Variants in CNBD1 observed in about 807,000 individuals in gnomAD.
CNBD1 encodes cyclic nucleotide binding domain containing 1.
A neutral mutation model predicts 54.4 loss-of-function variants in CNBD1; 71 were observed. The ratio of observed to expected loss-of-function variants is 1.30; its 90% CI spans 1.08 to 1.59. CNBD1 has a LOEUF of 1.59. Ranked by LOEUF, CNBD1 falls within the 40% of genes most tolerant of loss-of-function variation. The probability of loss-of-function intolerance (pLI) is 0.00; values close to 1 mark genes in which losing one functional copy is unlikely to be tolerated. For synonymous variants in CNBD1, 182 were observed against 170.7 expected (o/e 1.07, Z -0.51); for missense variants, 659 against 518.0 (o/e 1.27, Z -2.64).
chr8:86,894,216 C>T (rs981474714), intron 2 of CNBD1, among the ~76,000 whole-genome samples: 7 of 148,980 alleles, frequency 4.7e-5, no homozygotes, highest in East Asian at 2.0e-4. Context: ...CGCCCGCCAC[C>T]GCGCCCGGCT....
chr8:87,248,469 C>T (rs180866257), intron 6 of CNBD1, among the ~76,000 whole-genome samples: 1 of 152,240 alleles, frequency 6.6e-6, no homozygotes, highest in African/African-American at 2.4e-5. Flanking sequence ...TGGTGGCCTT[C>T]AATAATTGCT....
intron 2 of CNBD1, among the ~76,000 whole-genome samples, chr8:87,391,067 A>G (rs1811298892): frequency 6.6e-6 from 1 of 151,808 alleles, no homozygotes; most frequent in African/African-American, 2.4e-5. Flanking sequence ...CAGGAAGGGG[A>G]ACATCACACA....
At chr8:87,347,845 T>G (rs891699293) in intron 8 of CNBD1, among the ~76,000 whole-genome samples, 2 of 152,184 alleles carry the variant, frequency 1.3e-5, no homozygotes, top group Non-Finnish European at 2.9e-5. Flanking sequence ...TACCAAATAT[T>G]GCCCTTCTTC....
At chr8:87,313,631 A>C (rs1324895733) in intron 8 of CNBD1, among the ~76,000 whole-genome samples, 4 of 151,898 alleles carry the variant, frequency 2.6e-5, no homozygotes, top group African/African-American at 9.7e-5. Flanking sequence ...TTTGAGAAGA[A>C]AGTGATGTTT....
chr8:86,920,313 G>A (rs1323329791), intron 3 of CNBD1, among the ~76,000 whole-genome samples: 1 of 152,120 alleles, frequency 6.6e-6, no homozygotes, highest in East Asian at 1.9e-4. Context: ...TTTTAATTAG[G>A]TACTAAATCA....
chr8:87,401,669 C>T (rs1315699211), intron 2 of CNBD1, among the ~76,000 whole-genome samples: 3 of 151,992 alleles, frequency 2.0e-5, no homozygotes, highest in Admixed American at 1.3e-4. Flanking sequence ...ACAATATCTA[C>T]CTAACCTTTA....
intron 6 of CNBD1, among the ~76,000 whole-genome samples, chr8:87,263,953 T>C (rs535442558): frequency 6.6e-6 from 1 of 152,184 alleles, no homozygotes; most frequent in African/African-American, 2.4e-5. Context: ...ATATATTACA[T>C]AAAATATCAC....
In CNBD1 at chr8:87,422,367, G is replaced by A. The variant is rs1807955556; in HGVS notation, c.214-6179G>A. On this transcript the variant is annotated intron_variant, in intron 2 of 7. Coordinates refer to the CNBD1 transcript ENST00000521593. ...CCTTGCCCGTGCCTATGTCCTGAAT[G>A]GTAATGCCTAGGTTTTCTTCCAGGG... Among the ~76,000 whole-genome samples, 7 of 129,140 alleles carry A rather than the reference G, an allele frequency of 5.4e-5. No homozygotes were observed. The South Asian group carries it at 1.6e-3, about 29-fold the overall frequency. The allele number at this position is 129,140 out of a possible 152,430, so 84.7% of individuals were successfully genotyped here. A position where few individuals can be genotyped will look rare whatever the true frequency, so the allele number is the denominator to read the frequency against.
intron 4 of CNBD1, among the ~76,000 whole-genome samples, chr8:86,962,716 G>A (rs1807962312): frequency 6.6e-6 from 1 of 151,906 alleles, no homozygotes; most frequent in Admixed American, 6.6e-5. Flanking sequence ...AACCTGGGAG[G>A]AAGAGCTTGC....
At chr8:87,060,384 C>T (rs1467611249) in intron 4 of CNBD1, among the ~76,000 whole-genome samples, 4 of 152,160 alleles carry the variant, frequency 2.6e-5, no homozygotes, top group South Asian at 2.1e-4. Flanking sequence ...ACTGAAAATA[C>T]AAGTATTGGT....
chr8:86,981,708 T>G (rs1808492552), intron 4 of CNBD1, among the ~76,000 whole-genome samples: 1 of 152,220 alleles, frequency 6.6e-6, no homozygotes, highest in Admixed American at 6.5e-5. Context: ...TATTTAAATT[T>G]ATTCCTGTTG....
At chr8:87,214,171 C>T (rs1345082075) in intron 5 of CNBD1, among the ~76,000 whole-genome samples, 1 of 152,182 alleles carries the variant, frequency 6.6e-6, no homozygotes, top group Non-Finnish European at 1.5e-5. Context: ...TCTGTCACAT[C>T]ATCAGAATGC....
At chr8:87,298,015 A>G (rs1808913171) in intron 8 of CNBD1, among the ~76,000 whole-genome samples, 1 of 151,718 alleles carries the variant, frequency 6.6e-6, no homozygotes, top group African/African-American at 2.4e-5. Flanking sequence ...CATATTAATA[A>G]GAGCTTTATT....
In CNBD1 at chr8:87,049,212, C is replaced by T. The variant is rs139971758; in HGVS notation, c.431+109458C>T. The stretch of plus-strand genomic sequence containing the variant: ...TTTCCCTCAGTTATGTCATCCACAC[C>T]CTTCTCATGTACTCTGCAATGCATT... On this transcript the variant is annotated intron_variant, in intron 4 of 10. Transcript: ENST00000518476. 9.8e-4 allele frequency among the ~76,000 whole-genome samples: 149 copies of T among 152,252 alleles called. 1 individual carries two copies. Among genetic ancestry groups the T allele is most frequent in the African/African-American group, 3.4e-3 (140 of 41,548 alleles).
In CNBD1 at chr8:87,211,212, T is replaced by C. The variant is rs550267262; in HGVS notation, c.577+5074T>C. Among the ~76,000 whole-genome samples, 8 of 152,338 alleles carry C rather than the reference T, an allele frequency of 5.3e-5. No individual in the cohort carries two copies. In the East Asian group the frequency reaches 1.5e-3, roughly 29 times the overall value. ...TATCCCTTTTGGAATGGGAATGTTT[T>C]TCCATTGCCTGTTTCCCCATTGTAT... On this transcript the variant is annotated intron_variant, in intron 5 of 10. Coordinates refer to ENST00000518476, the MANE Select transcript of CNBD1 (RefSeq NM_173538.3).
chr8:87,268,353 T>C (rs888159000), intron 6 of CNBD1, among the ~76,000 whole-genome samples: 1 of 152,168 alleles, frequency 6.6e-6, no homozygotes, highest in Non-Finnish European at 1.5e-5. Flanking sequence ...CAGTCCACCA[T>C]GATGGGCATC....
chr8:87,389,536 A>G (rs1327217392), intron 2 of CNBD1, among the ~76,000 whole-genome samples: 1 of 152,140 alleles, frequency 6.6e-6, no homozygotes, highest in South Asian at 2.1e-4. Context: ...CAGGAATCCA[A>G]CTTACAAGGG....
At chr8:87,345,019 A>AT (rs1343650288) in intron 8 of CNBD1, among the ~76,000 whole-genome samples, 1 of 152,094 alleles carries the variant, frequency 6.6e-6, no homozygotes, top group Non-Finnish European at 1.5e-5. Flanking sequence ...CCTTCTATTG[A>AT]TTTTGCGCTA....
At chr8:87,346,066 A>G (rs1046410147) in intron 8 of CNBD1, among the ~76,000 whole-genome samples, 1 of 151,414 alleles carries the variant, frequency 6.6e-6, no homozygotes, top group African/African-American at 2.4e-5. Context: ...GGGGGGACAG[A>G]GTTTCACTCT....
Sources: gnomAD v4.1 joint callset for allele counts (sites outside exome capture counted in the v4.1 genomes callset) on GRCh38, gnomAD v4.1.1 for gene constraint, MANE v1.5 for transcripts, NCBI Gene and HGNC (gene_info 2026-07-23, HGNC 2026-07-21) for gene names.